The following ELP4 variants were observed in gnomAD, a reference collection of about 807,000 sequenced individuals.
ELP4 encodes elongator acetyltransferase complex subunit 4.
Under a neutral mutation model 48.9 loss-of-function variants are expected in ELP4, and 51 were observed. The ratio of observed to expected loss-of-function variants is 1.04; its 90% CI spans 0.83 to 1.32. The LOEUF (loss-of-function observed/expected upper bound fraction) is 1.32. Ranked by LOEUF, ELP4 falls within the 40% of genes most tolerant of loss-of-function variation. ELP4 has a pLI of 0.00. For synonymous variants in ELP4, 210 were observed against 189.2 expected (o/e 1.11, Z -0.90); for missense variants, 519 against 514.6 (o/e 1.01, Z -0.08).
intron 9 of ELP4, among the ~76,000 whole-genome samples, chr11:31,655,181 A>T (rs906072700): frequency 2.6e-5 from 4 of 151,968 alleles, no homozygotes; most frequent in Non-Finnish European, 5.9e-5. Flanking sequence ...TTTATTCTCA[A>T]GTGATATCAG....
At chr11:31,734,069 C>G (rs1468785715) in intron 9 of ELP4, among the ~76,000 whole-genome samples, 3 of 152,082 alleles carry the variant, frequency 2.0e-5, no homozygotes, top group African/African-American at 7.2e-5. Context: ...AACATAAGAA[C>G]ATTATTGAAT....
chr11:31,744,383 C>G (rs980287532), intron 9 of ELP4, among the ~76,000 whole-genome samples: 1 of 152,182 alleles, frequency 6.6e-6, no homozygotes, highest in Non-Finnish European at 1.5e-5. Flanking sequence ...TCCTCCCTAA[C>G]TCATTTTATG....
chr11:31,539,883 T>C lies in ELP4; in HGVS notation c.381+100T>C, dbSNP rs535043112. 5 of 921,914 alleles carry C rather than the reference T, an allele frequency of 5.4e-6. No homozygotes were observed. The South Asian group carries it at 1.1e-4, about 21-fold the overall frequency. 57.1% of individuals were successfully genotyped at this position (921,914 alleles called of 1,614,324 possible). ...TATATGTTTGTATATATACAAACTA[T>C]ATTTAAATGCATTAACGGAACCATA... On this transcript the variant is annotated intron_variant, in intron 3 of 9. Coordinates refer to ENST00000640961, the MANE Select transcript of ELP4 (RefSeq NM_019040.5).
chr11:31,613,488 G>A (rs1033614538), intron 5 of ELP4, among the ~76,000 whole-genome samples: 1 of 151,932 alleles, frequency 6.6e-6, no homozygotes, highest in Non-Finnish European at 1.5e-5. Flanking sequence ...TTGTTTATTG[G>A]TAAAACTCTT....
chr11:31,743,704 A>T (rs1324862639), intron 9 of ELP4, among the ~76,000 whole-genome samples: 1 of 152,200 alleles, frequency 6.6e-6, no homozygotes, highest in African/African-American at 2.4e-5. Flanking sequence ...ACCAACGAGA[A>T]CAAAGACACA....
intron 3 of ELP4, among the ~76,000 whole-genome samples, chr11:31,571,208 A>G (rs1277540495): frequency 5.9e-5 from 9 of 152,236 alleles, no homozygotes; most frequent in Non-Finnish European, 8.8e-5. Context: ...CCATTGCTTT[A>G]TCAGCTAAGT....
intron 7 of ELP4, among the ~76,000 whole-genome samples, chr11:31,642,061 A>G (rs967490370): frequency 1.3e-5 from 2 of 152,022 alleles, no homozygotes; most frequent in Non-Finnish European, 2.9e-5. Context: ...ATTTCTTAAT[A>G]TGAAACTAGA....
intron 9 of ELP4, among the ~76,000 whole-genome samples, chr11:31,732,642 A>T (rs1336477629): frequency 3.3e-5 from 5 of 152,228 alleles, no homozygotes; most frequent in Non-Finnish European, 7.3e-5. Flanking sequence ...TAAAAATAAC[A>T]TCCAACTATA....
intron 9 of ELP4, among the ~76,000 whole-genome samples, chr11:31,700,876 T>C (rs1233171429): frequency 6.6e-6 from 1 of 152,086 alleles, no homozygotes; most frequent in Non-Finnish European, 1.5e-5. Flanking sequence ...GAAAACCTTT[T>C]TCTTTCTCCT....
chr11:31,518,895 CAAAAAAA>C (rs34767268), intron 1 of ELP4, among the ~76,000 whole-genome samples: 19 of 66,966 alleles, frequency 2.8e-4, no homozygotes, highest in African/African-American at 6.9e-4. Flanking sequence ...GACTCTGTCT[CAAAAAAA>C]AAAAAAAAAA....
intron 3 of ELP4, 118 bp downstream of exon 3, chr11:31,539,901 G>C (rs1045480595): frequency 4.1e-6 from 3 of 727,376 alleles, no homozygotes; most frequent in Non-Finnish European, 5.8e-6. Context: ...TGCATTAACG[G>C]AACCATACAT....
At chr11:31,527,749 CT>C (rs1196459026) in intron 2 of ELP4, among the ~76,000 whole-genome samples, 2 of 152,074 alleles carry the variant, frequency 1.3e-5, no homozygotes, top group East Asian at 3.8e-4. Flanking sequence ...CCAGAATGCA[CT>C]TTCTAATATG....
intron 4 of ELP4, among the ~76,000 whole-genome samples, chr11:31,598,425 G>A (rs1168520019): frequency 6.6e-6 from 1 of 150,868 alleles, no homozygotes; most frequent in Middle Eastern, 3.2e-3. Context: ...CCTGCCATTG[G>A]CTTTGTTACC....
chr11:31,775,340 C>G (rs952770476), intron 9 of ELP4, among the ~76,000 whole-genome samples: 4 of 152,156 alleles, frequency 2.6e-5, no homozygotes, highest in African/African-American at 7.2e-5. Flanking sequence ...CACATTCACA[C>G]ATGTTTGTGG....
At chr11:31,549,862 T>G (rs574664058) in intron 3 of ELP4, among the ~76,000 whole-genome samples, 1 of 152,280 alleles carries the variant, frequency 6.6e-6, no homozygotes, top group Non-Finnish European at 1.5e-5. Flanking sequence ...TTGGAAATCA[T>G]CATTCTCAGT....
At chr11:31,692,354 A>G (rs1448402758) in intron 9 of ELP4, among the ~76,000 whole-genome samples, 1 of 152,216 alleles carries the variant, frequency 6.6e-6, no homozygotes, top group African/African-American at 2.4e-5. Context: ...ATGGTCAGTA[A>G]GTGCTATGAT....
rs547876359 is a variant in ELP4 at position 31,787,127 on chromosome 11, C to T, written c.*3603C>T. The T allele has an allele frequency of 1.7e-5, 4 of 232,476 alleles. No individual in the cohort carries two copies. Among genetic ancestry groups the T allele is most frequent in the Non-Finnish European group, 2.6e-5 (3 of 117,532 alleles). The allele number at this position is 232,476 out of a possible 1,614,324, so 14.4% of individuals were successfully genotyped here. On this transcript the variant is annotated 3_prime_UTR_variant, in exon 10 of 10. Transcript: ENST00000640961. ...GCTGTCCCCAAGAGAGTGCCTGGAG[C>T]TCTGTTTGGAAGGACAGCTCATGTC...
chr11:31,725,621 C>T (rs1947059444), intron 9 of ELP4, among the ~76,000 whole-genome samples: 1 of 152,186 alleles, frequency 6.6e-6, no homozygotes, highest in Admixed American at 6.5e-5. Context: ...CCCCACCCAG[C>T]ACTTTTGAAA....
At position 31,576,958 on chromosome 11, in the gene ELP4, A is replaced by T. The variant is rs576020709; in HGVS notation, c.382-17812A>T. Among the ~76,000 whole-genome samples, 5 of 152,330 alleles carry T rather than the reference A, an allele frequency of 3.3e-5. No individual in the cohort carries two copies. The South Asian group carries it at 1.0e-3, about 32-fold the overall frequency. ...ACTAAGATCAGAGCAGAACTGAAGG[A>T]GATGGAGACACAAAAAAACTTTTCA... On this transcript the variant is annotated intron_variant, in intron 3 of 9. Transcript: ENST00000640961.
Sources: gnomAD v4.1 joint callset for allele counts (sites outside exome capture counted in the v4.1 genomes callset) on GRCh38, gnomAD v4.1.1 for gene constraint, MANE v1.5 for transcripts, NCBI Gene and HGNC (gene_info 2026-07-23, HGNC 2026-07-21) for gene names.